Variants in ARIH2 observed in about 807,000 individuals in gnomAD.
ARIH2 encodes the protein ariadne RBR E3 ubiquitin protein ligase 2.
In ARIH2, 12 loss-of-function variants were observed where a neutral mutation model predicts 79.8. The ratio of observed to expected loss-of-function variants is 0.15; its 90% CI spans 0.10 to 0.24. The LOEUF is 0.24. Among genes scored for constraint, ARIH2 ranks in the 10% least tolerant of loss-of-function variants. ARIH2 has a pLI of 1.00. For missense variants in ARIH2, 301 were observed against 618.3 expected (o/e 0.49, Z 5.44); for synonymous variants, 224 against 213.9 (o/e 1.05, Z -0.41).
chr3:48,982,775 A>G, intron 14 of ARIH2, 121 bp from the exon 15 acceptor site: 1 of 719,856 alleles, frequency 1.4e-6, no homozygotes, highest in Non-Finnish European at 2.5e-6. Context: ...TTCTGAGGAC[A>G]GTATCAGGAT....
intron 1 of ARIH2, chr3:48,919,457 GC>G: frequency 3.8e-6 from 1 of 266,254 alleles, no homozygotes. Flanking sequence ...GGGATGTGCG[GC>G]CCCGGAGCTG....
At chr3:48,929,312 TGTCCGTCC>T (rs920016480) in intron 3 of ARIH2, among the ~76,000 whole-genome samples, 21 of 151,960 alleles carry the variant, frequency 1.4e-4, no homozygotes, top group African/African-American at 4.8e-4. Context: ...CCCAAGCACC[TGTCCGTCC>T]GTCCGTCCGT....
intron 12 of ARIH2, 25 bp from the exon 13 acceptor site, chr3:48,980,328 T>TTTC (rs769572377): frequency 1.9e-6 from 3 of 1,609,352 alleles, no homozygotes; most frequent in Non-Finnish European, 2.5e-6. Flanking sequence ...CTCCTGTGGT[T>TTTC]TTCTTCTTCT....
Position 48,968,565 on chromosome 3 carries a change from C to T in ARIH2, c.570C>T (p.Leu190=). 1 of 1,611,414 alleles carries T rather than the reference C, an allele frequency of 6.2e-7. No homozygotes were observed. Among genetic ancestry groups the T allele is most frequent in the South Asian group, 1.1e-5 (1 of 91,054 alleles). The part of the protein sequence containing the change: ...GVSCMAQDCP[L]RTPEDFVFPL... The stretch of plus-strand genomic sequence containing the variant: ...CTTGCATGGCTCAGGACTGTCCACT[C>T]CGTACACCAGAGGACTTTGTGTTTC... The change falls in exon 7 of 16, where the codon CTC becomes CTT. Residue 190 remains leucine, a synonymous_variant. Coordinates refer to ENST00000356401, the MANE Select transcript of ARIH2 (RefSeq NM_006321.4).
chr3:48,963,619 G>T (rs879373240), intron 4 of ARIH2, among the ~76,000 whole-genome samples: 2 of 152,126 alleles, frequency 1.3e-5, no homozygotes, highest in African/African-American at 4.8e-5. Flanking sequence ...ATATAGAAAA[G>T]GAATTATTGG....
At chr3:48,963,741 G>T (rs2091510945) in intron 4 of ARIH2, among the ~76,000 whole-genome samples, 1 of 152,136 alleles carries the variant, frequency 6.6e-6, no homozygotes, top group African/African-American at 2.4e-5. Flanking sequence ...GATATTGTAA[G>T]ACTTAAAGTT....
intron 3 of ARIH2, chr3:48,934,962 GTGTT>G (rs1195629744): frequency 2.2e-5 from 22 of 984,656 alleles, no homozygotes; most frequent in Non-Finnish European, 2.5e-5. Context: ...GTATTTGTGT[GTGTT>G]TGTTTTTTTT....
At chr3:48,982,422 A>G (rs1158076714) in intron 14 of ARIH2, among the ~76,000 whole-genome samples, 3 of 152,190 alleles carry the variant, frequency 2.0e-5, no homozygotes, top group Non-Finnish European at 4.4e-5. Flanking sequence ...TTTCACTGCT[A>G]TAAATAGGAC....
At chr3:48,977,312 T>A (rs1307555339) in intron 11 of ARIH2, among the ~76,000 whole-genome samples, 1 of 152,130 alleles carries the variant, frequency 6.6e-6, no homozygotes, top group Admixed American at 6.5e-5. Flanking sequence ...TTTGTTTCGT[T>A]TTTTGAGATG....
At chr3:48,952,191 CAG>C (rs1269381874) in intron 3 of ARIH2, among the ~76,000 whole-genome samples, 4 of 152,070 alleles carry the variant, frequency 2.6e-5, no homozygotes, top group African/African-American at 7.2e-5. Flanking sequence ...TGCTTTGACA[CAG>C]GGGTTCTATA....
In ARIH2 at chr3:48,979,630, G is replaced by A. The variant is rs1284385612; in HGVS notation, c.1110G>A (p.Glu370=). Residue 370 remains glutamate, a synonymous_variant, in exon 12 of 16, where the codon GAG becomes GAA. Coordinates refer to ENST00000356401, the MANE Select transcript of ARIH2 (RefSeq NM_006321.4). ...EALKKYLFYF[E]RWENHNKSLQ... is the part of the protein sequence containing the mutation. ...TCAAGAAGTACTTATTCTACTTTGA[G>A]AGGGTAGGTGTCCTCTCCTGTACCT... The A allele has an allele frequency of 2.9e-5, 46 of 1,613,822 alleles. No individual in the cohort carries two copies. Among genetic ancestry groups the A allele is most frequent in the African/African-American group, 4.0e-5 (3 of 74,934 alleles).
Position 48,981,707 on chromosome 3 carries a change from G to A in ARIH2, c.1305G>A (p.Glu435=). The A allele has an allele frequency of 6.2e-7, 1 of 1,613,894 alleles. No individual in the cohort carries two copies. The highest frequency in any genetic ancestry group is 8.5e-7 in the Non-Finnish European group (1 of 1,179,878). The change falls in exon 14 of 16, where the codon GAG becomes GAA. Residue 435 remains glutamate, a synonymous_variant. Transcript: ENST00000356401. The part of the protein sequence containing the change: ...QYTYPYAYYM[E]SGPRKKLFEY... ...CCTACCCATATGCATATTACATGGA[G>A]TCCGGACCCAGGAAGAAGCTGGTAA...
At position 48,927,709 on chromosome 3, in the gene ARIH2, G is replaced by T; in HGVS notation, c.151G>T (p.Ala51Ser). 1 of 1,614,218 alleles carries T rather than the reference G, an allele frequency of 6.2e-7. No homozygotes were observed. The highest frequency in any genetic ancestry group is 1.3e-5 in the African/African-American group (1 of 75,064). Reference sequence around the variant, plus strand: ...AGCCAGCGATGTGGAGCAGCAGGGGGCTGATGCCTTTGATCCCGAGGAGTA... The same window carrying T: ...AGCCAGCGATGTGGAGCAGCAGGGGTCTGATGCCTTTGATCCCGAGGAGTA... ...GVASDVEQQG[A>S]DAFDPEEYQF... The change falls in exon 3 of 16, where the codon GCT becomes TCT. Residue 51 changes from alanine (A) to serine (S), a missense_variant. Coordinates refer to ENST00000356401, the MANE Select transcript of ARIH2 (RefSeq NM_006321.4).
Position 48,984,520 on chromosome 3 carries a change from G to A in ARIH2, c.*1250G>A, listed in dbSNP as rs1343578701. On this transcript the variant is annotated 3_prime_UTR_variant, in exon 16 of 16. Transcript: ENST00000356401. ...TAAGGAGGGTCTGGCCAGAGGAACA[G>A]ACCAGCTTTTGCACAATGAAGCGCA... The A allele has an allele frequency of 6.6e-6, 1 of 152,352 alleles. No homozygotes were observed. The highest frequency in any genetic ancestry group is 2.4e-5 in the African/African-American group (1 of 41,444). The allele number at this position is 152,352 out of a possible 1,614,324, so 9.4% of individuals were successfully genotyped here. A position where few individuals can be genotyped will look rare whatever the true frequency, so the allele number is the denominator to read the frequency against.
At chr3:48,966,699 G>C (rs1411039827) in intron 5 of ARIH2, among the ~76,000 whole-genome samples, 1 of 152,176 alleles carries the variant, frequency 6.6e-6, no homozygotes, top group African/African-American at 2.4e-5. Context: ...TAACCTTTGT[G>C]ACTAGGTTTC....
intron 3 of ARIH2, among the ~76,000 whole-genome samples, chr3:48,953,309 G>A (rs2090176511): frequency 6.6e-6 from 1 of 152,130 alleles, no homozygotes; most frequent in Non-Finnish European, 1.5e-5. Context: ...TTAAAATCAG[G>A]AATAATCTGT....
At chr3:48,931,215 G>C (rs1473710811) in intron 3 of ARIH2, among the ~76,000 whole-genome samples, 1 of 152,114 alleles carries the variant, frequency 6.6e-6, no homozygotes, top group Non-Finnish European at 1.5e-5. Context: ...AGCCTCCCAA[G>C]TAGCTGGGGC....
At chr3:48,937,605 T>C (rs2087340315) in intron 3 of ARIH2, among the ~76,000 whole-genome samples, 1 of 152,194 alleles carries the variant, frequency 6.6e-6, no homozygotes, top group South Asian at 2.1e-4. Context: ...TCAGTAAGTG[T>C]TGCTTTTTAA....
intron 8 of ARIH2, among the ~76,000 whole-genome samples, chr3:48,971,573 G>C (rs1476925056): frequency 6.6e-6 from 1 of 152,166 alleles, no homozygotes; most frequent in Non-Finnish European, 1.5e-5. Flanking sequence ...AATAAATCAA[G>C]GTACAAGGTA....
Sources: gnomAD v4.1 joint callset for allele counts (sites outside exome capture counted in the v4.1 genomes callset) on GRCh38, gnomAD v4.1.1 for gene constraint, MANE v1.5 for transcripts, NCBI Gene and HGNC (gene_info 2026-07-23, HGNC 2026-07-21) for gene names.